SDHAF3: variants seen among roughly 807,000 people sequenced by gnomAD.
SDHAF3 encodes succinate dehydrogenase assembly factor 3, mitochondrial.
Under a neutral mutation model 11.5 loss-of-function variants are expected in SDHAF3, and 18 were observed. The observed-to-expected ratio is 1.56, with a 90% CI of 1.08 to 2.32. The LOEUF is 2.32. Among genes scored for constraint, SDHAF3 ranks in the 30% most tolerant of loss-of-function variants. The pLI is 0.00. For missense variants in SDHAF3, 200 were observed against 154.4 expected (o/e 1.30, Z -1.57); for synonymous variants, 72 against 59.3 (o/e 1.21, Z -0.99).
rs1179184533 is a variant in SDHAF3, at chr7:97,152,429, A to G, written c.175-28583A>G. Among the ~76,000 whole-genome samples the G allele has an allele frequency of 2.6e-5, 4 of 152,182 alleles. No individual in the cohort carries two copies. The South Asian group carries it at 6.2e-4, about 24-fold the overall frequency. ...TAGGGAGTTGAATCTGTCCTCTTGC[A>G]TGGAGTCAGTTCCTGGGTGGGAGGT... On this transcript the variant is annotated intron_variant, in intron 1 of 1. Transcript: ENST00000432641.
At chr7:97,143,085 G>A (rs1789080047) in intron 1 of SDHAF3, among the ~76,000 whole-genome samples, 1 of 150,762 alleles carries the variant, frequency 6.6e-6, no homozygotes, top group Non-Finnish European at 1.5e-5. Context: ...TTTTTAGTAG[G>A]AAGTTTCACC....
At chr7:97,141,894 A>G (rs1789050519) in intron 1 of SDHAF3, among the ~76,000 whole-genome samples, 1 of 152,068 alleles carries the variant, frequency 6.6e-6, no homozygotes, top group African/African-American at 2.4e-5. Context: ...TTGTAAAATT[A>G]ATGGGACAGT....
chr7:97,162,116 C>T (rs1351951218), intron 1 of SDHAF3, among the ~76,000 whole-genome samples: 3 of 152,038 alleles, frequency 2.0e-5, no homozygotes, highest in African/African-American at 7.2e-5. Context: ...ACTTTTTAAT[C>T]ATCGCCATTC....
chr7:97,129,352 C>CG (rs1408498683), intron 1 of SDHAF3, among the ~76,000 whole-genome samples: 1 of 152,130 alleles, frequency 6.6e-6, no homozygotes, highest in Non-Finnish European at 1.5e-5. Context: ...TGTTTGTATT[C>CG]GGAACTGTGG....
rs1789774973 is a variant in SDHAF3 at position 97,181,538 on chromosome 7, G to A, written c.*323G>A. On this transcript the variant is annotated 3_prime_UTR_variant, in exon 2 of 2. Transcript: ENST00000432641. ...TTCTTTAGCTTCATCAAATAAGCATGTTGTGATAATGATAGATGTACAATT... is the reference window on the plus strand; with the variant it reads ...TTCTTTAGCTTCATCAAATAAGCATATTGTGATAATGATAGATGTACAATT... 2 of 193,952 alleles carry A rather than the reference G, an allele frequency of 1.0e-5. No homozygotes were observed. The highest frequency in any genetic ancestry group is 2.4e-5 in the African/African-American group (1 of 42,400). 12.0% of individuals were successfully genotyped at this position (193,952 alleles called of 1,614,324 possible).
intron 1 of SDHAF3, among the ~76,000 whole-genome samples, chr7:97,136,707 T>G (rs528165658): frequency 6.6e-6 from 1 of 152,226 alleles, no homozygotes; most frequent in African/African-American, 2.4e-5. Flanking sequence ...TCTGAAATTA[T>G]TTTGCTTTAG....
chr7:97,155,200 G>A (rs1407516100), intron 1 of SDHAF3, among the ~76,000 whole-genome samples: 1 of 152,102 alleles, frequency 6.6e-6, no homozygotes, highest in East Asian at 1.9e-4. Flanking sequence ...TCAATTTGGG[G>A]AGCATTAATA....
chr7:97,180,876 T>A, intron 1 of SDHAF3, 136 bp from the exon 2 acceptor site: 1 of 706,026 alleles, frequency 1.4e-6, no homozygotes, highest in Admixed American at 3.3e-5. Context: ...CACAACTATA[T>A]TTATATCTCC....
rs916929542 is a variant in SDHAF3 at position 97,119,379 on chromosome 7, A to T, written c.174+1482A>T. 3.3e-5 allele frequency among the ~76,000 whole-genome samples: 5 copies of T among 152,118 alleles called. No individual in the cohort carries two copies. The South Asian group carries it at 8.3e-4, about 25-fold the overall frequency. On this transcript the variant is annotated intron_variant, in intron 1 of 1. Coordinates refer to ENST00000432641, the MANE Select transcript of SDHAF3 (RefSeq NM_020186.3). The stretch of plus-strand genomic sequence containing the variant: ...GAAAAAATTGATAATAGGTTGTAGG[A>T]GAGAGAGAGGGTATAAAAAAGAACT...
chr7:97,126,858 A>AC (rs1477212044), intron 1 of SDHAF3, among the ~76,000 whole-genome samples: 36 of 151,776 alleles, frequency 2.4e-4, no homozygotes, highest in African/African-American at 7.7e-4. Flanking sequence ...AAAAAAAAAA[A>AC]AAAACCCTGC....
At position 97,158,623 on chromosome 7, in the gene SDHAF3, G is replaced by A. The variant is rs545602953; in HGVS notation, c.175-22389G>A. ...ACAGATGTGAGCCACTGCACCCAGC[G>A]AGTTTCCCCATGTTTATGAGTAATT... On this transcript the variant is annotated intron_variant, in intron 1 of 1. Transcript: ENST00000432641. 4.6e-5 allele frequency among the ~76,000 whole-genome samples: 7 copies of A among 152,180 alleles called. No homozygotes were observed. The East Asian group carries it at 5.8e-4, about 13-fold the overall frequency.
At chr7:97,170,178 G>T (rs1789585106) in intron 1 of SDHAF3, among the ~76,000 whole-genome samples, 2 of 151,688 alleles carry the variant, frequency 1.3e-5, no homozygotes, top group Admixed American at 6.6e-5. Flanking sequence ...GTATACTTGG[G>T]TGAGTTTTGA....
At chr7:97,137,117 A>C (rs1236205691) in intron 1 of SDHAF3, among the ~76,000 whole-genome samples, 2 of 152,122 alleles carry the variant, frequency 1.3e-5, no homozygotes, top group African/African-American at 4.8e-5. Context: ...ATACGAACTA[A>C]AGCTGAGAAC....
intron 1 of SDHAF3, among the ~76,000 whole-genome samples, chr7:97,127,896 AGTTTT>A (rs1455409485): frequency 5.9e-5 from 8 of 136,326 alleles, no homozygotes; most frequent in African/African-American, 2.0e-4. Context: ...TTCTACATCA[AGTTTT>A]TTTTTTTTTT....
At chr7:97,126,862 A>C (rs1486130339) in intron 1 of SDHAF3, among the ~76,000 whole-genome samples, 5 of 148,946 alleles carry the variant, frequency 3.4e-5, no homozygotes, top group African/African-American at 7.4e-5. Flanking sequence ...AAAAAAAAAA[A>C]CCCTGCAGCT....
intron 1 of SDHAF3, among the ~76,000 whole-genome samples, chr7:97,138,326 AT>A (rs1788963625): frequency 6.6e-6 from 1 of 151,566 alleles, no homozygotes; most frequent in African/African-American, 2.4e-5. Flanking sequence ...CACCTGGCTA[AT>A]TTTTTGTGCG....
intron 1 of SDHAF3, among the ~76,000 whole-genome samples, chr7:97,122,105 C>T (rs1022819792): frequency 6.6e-6 from 1 of 152,162 alleles, no homozygotes; most frequent in Non-Finnish European, 1.5e-5. Flanking sequence ...GATCCGCCCA[C>T]CTGGGCCTCC....
intron 1 of SDHAF3, among the ~76,000 whole-genome samples, chr7:97,172,224 G>A (rs1166877044): frequency 2.0e-5 from 3 of 152,002 alleles, no homozygotes; most frequent in Non-Finnish European, 4.4e-5. Flanking sequence ...ATTTTACTTG[G>A]GAAGCTTTTC....
At chr7:97,156,960 A>G (rs1026910275) in intron 1 of SDHAF3, among the ~76,000 whole-genome samples, 1 of 152,028 alleles carries the variant, frequency 6.6e-6, no homozygotes, top group Non-Finnish European at 1.5e-5. Context: ...TCTTAATGCT[A>G]TCCCTCCCCC....
Sources: allele counts gnomAD v4.1 joint callset (sites outside exome capture counted in the v4.1 genomes callset), GRCh38; gene constraint gnomAD v4.1.1; transcripts MANE v1.5; gene names NCBI Gene and HGNC (gene_info 2026-07-23, HGNC 2026-07-21).